ALK: variants seen among roughly 807,000 people sequenced by gnomAD.
ALK encodes ALK receptor tyrosine kinase.
ALK carries 74 observed loss-of-function variants against 163.1 expected under a neutral mutation model. That is an observed-to-expected ratio of 0.45 (90% CI 0.38 to 0.55). ALK has a LOEUF of 0.55. Ranked by LOEUF, ALK falls within the 20% of genes least tolerant of loss-of-function variation. The pLI is 0.00. For missense variants in ALK, 2,063 were observed against 2,105.3 expected (o/e 0.98, Z 0.39); for synonymous variants, 960 against 843.2 (o/e 1.14, Z -2.40).
At chr2:29,906,487 T>G (rs1020461666) in intron 1 of ALK, among the ~76,000 whole-genome samples, 3 of 152,056 alleles carry the variant, frequency 2.0e-5, no homozygotes, top group African/African-American at 7.2e-5. Context: ...GAAAAATATA[T>G]AGGATATGTG....
chr2:29,578,125 C>T (rs1240342369), intron 3 of ALK, among the ~76,000 whole-genome samples: 5 of 152,126 alleles, frequency 3.3e-5, no homozygotes, highest in Non-Finnish European at 7.4e-5. Flanking sequence ...TGGGGTGGGC[C>T]TTTCCCATGC....
chr2:29,452,413 T>C (rs767982998), intron 4 of ALK, among the ~76,000 whole-genome samples: 46 of 151,618 alleles, frequency 3.0e-4, no homozygotes, highest in Non-Finnish European at 1.5e-4. Context: ...ATGTGCCCTC[T>C]AAAGTAGACC....
intron 3 of ALK, 46 bp from the exon 4 acceptor site, chr2:29,532,162 G>A (rs1366806631): frequency 6.4e-7 from 1 of 1,571,748 alleles, no homozygotes; most frequent in Non-Finnish European, 8.7e-7. Flanking sequence ...GTTCAGGTAA[G>A]ACCAGCAGTA....
At chr2:29,567,558 G>A (rs865923110) in intron 3 of ALK, among the ~76,000 whole-genome samples, 1 of 152,280 alleles carries the variant, frequency 6.6e-6, no homozygotes, top group African/African-American at 2.4e-5. Context: ...TCAGACAGGA[G>A]GTTCACAATC....
intron 1 of ALK, among the ~76,000 whole-genome samples, chr2:29,895,958 C>A (rs6761676): frequency 0.68 from 102,884 of 151,468 alleles, 35,680 homozygotes; most frequent in Non-Finnish European, 0.76. Context: ...GTGTTTGATG[C>A]CAGAACATTC....
intron 5 of ALK, among the ~76,000 whole-genome samples, chr2:29,365,465 C>T (rs958833992): frequency 2.0e-5 from 3 of 152,050 alleles, no homozygotes; most frequent in African/African-American, 7.2e-5. Context: ...CAGGTTGGGG[C>T]CAGAGAAAGA....
chr2:29,796,531 C>T (rs1470459208), intron 1 of ALK, among the ~76,000 whole-genome samples: 1 of 152,132 alleles, frequency 6.6e-6, no homozygotes. Flanking sequence ...TGATCACTGA[C>T]AACAGAATGG....
chr2:29,688,725 T>G (rs977753131), intron 3 of ALK, among the ~76,000 whole-genome samples: 1 of 152,150 alleles, frequency 6.6e-6, no homozygotes, highest in Non-Finnish European at 1.5e-5. Flanking sequence ...TGATCAGCGG[T>G]CACTCCAATT....
intron 14 of ALK, among the ~76,000 whole-genome samples, chr2:29,232,871 G>C (rs1466566608): frequency 1.3e-5 from 2 of 152,136 alleles, no homozygotes; most frequent in Non-Finnish European, 2.9e-5. Flanking sequence ...AAAGATTCAA[G>C]GTTAAGCCCT....
chr2:29,527,860 C>T (rs1048803856), intron 4 of ALK, among the ~76,000 whole-genome samples: 2 of 151,948 alleles, frequency 1.3e-5, no homozygotes, highest in African/African-American at 4.8e-5. Flanking sequence ...CATCACATCA[C>T]CCGCCTGGGC....
At chr2:29,634,202 A>T (rs372508085) in intron 3 of ALK, among the ~76,000 whole-genome samples, 1 of 151,684 alleles carries the variant, frequency 6.6e-6, no homozygotes, top group African/African-American at 2.4e-5. Context: ...GGTTCAAGTG[A>T]TTCTCCTGCC....
intron 3 of ALK, among the ~76,000 whole-genome samples, chr2:29,600,349 A>G (rs891354387): frequency 1.3e-5 from 2 of 152,240 alleles, no homozygotes; most frequent in South Asian, 4.1e-4. Flanking sequence ...TCTTTACTCA[A>G]AGAGATAAAG....
intron 1 of ALK, among the ~76,000 whole-genome samples, chr2:29,820,976 G>C (rs1353700225): frequency 6.6e-6 from 1 of 152,206 alleles, no homozygotes; most frequent in African/African-American, 2.4e-5. Flanking sequence ...GTAGAGCAGA[G>C]TGATGCTGTG....
intron 4 of ALK, among the ~76,000 whole-genome samples, chr2:29,400,163 GA>G (rs1669409356): frequency 6.6e-6 from 1 of 152,148 alleles, no homozygotes; most frequent in African/African-American, 2.4e-5. Context: ...TCATTTAAAA[GA>G]TTTTTTTTCG....
intron 3 of ALK, among the ~76,000 whole-genome samples, chr2:29,547,339 G>A (rs1673582677): frequency 1.3e-5 from 2 of 152,198 alleles, no homozygotes; most frequent in South Asian, 2.1e-4. Context: ...GCTCATGCCT[G>A]TAATCCCAGC....
intron 4 of ALK, among the ~76,000 whole-genome samples, chr2:29,444,494 C>A (rs1222569675): frequency 2.0e-5 from 3 of 152,146 alleles, no homozygotes; most frequent in Admixed American, 6.5e-5. Flanking sequence ...GCCCAGGAGA[C>A]AACAGAGGAC....
intron 1 of ALK, among the ~76,000 whole-genome samples, chr2:29,762,684 G>A (rs1352182390): frequency 6.6e-6 from 1 of 152,218 alleles, no homozygotes; most frequent in Non-Finnish European, 1.5e-5. Context: ...AGGAAATGAG[G>A]ATAAGGGAAG....
At chr2:29,851,243 TG>T (rs1245920401) in intron 1 of ALK, among the ~76,000 whole-genome samples, 1 of 152,210 alleles carries the variant, frequency 6.6e-6, no homozygotes, top group Non-Finnish European at 1.5e-5. Context: ...AACCCCTTAA[TG>T]GCTTTCAATT....
intron 3 of ALK, among the ~76,000 whole-genome samples, chr2:29,680,692 G>A (rs558817102): frequency 3.3e-5 from 5 of 152,064 alleles, no homozygotes; most frequent in African/African-American, 1.2e-4. Flanking sequence ...TCCAATAGTT[G>A]AGGACATTCA....
Sources: gnomAD v4.1 joint callset for allele counts (sites outside exome capture counted in the v4.1 genomes callset) on GRCh38, gnomAD v4.1.1 for gene constraint, MANE v1.5 for transcripts, NCBI Gene and HGNC (gene_info 2026-07-23, HGNC 2026-07-21) for gene names.